Variants in CLSPN observed in about 807,000 individuals in gnomAD.
The protein encoded by CLSPN is claspin.
Under a neutral mutation model 156.3 loss-of-function variants are expected in CLSPN, and 85 were observed. The ratio of observed to expected loss-of-function variants is 0.54; its 90% CI spans 0.46 to 0.65. The LOEUF (loss-of-function observed/expected upper bound fraction) is 0.65, where lower values mean the gene tolerates loss of function less well. Among genes scored for constraint, CLSPN ranks in the 30% least tolerant of loss-of-function variants. The probability of loss-of-function intolerance (pLI) is 0.00; values close to 1 mark genes in which losing one functional copy is unlikely to be tolerated. For missense variants in CLSPN, 1,407 were observed against 1,554.9 expected (o/e 0.90, Z 1.60); for synonymous variants, 534 against 542.4 (o/e 0.98, Z 0.22).
chr1:35,744,315 C>CT (rs894020992), intron 16 of CLSPN, among the ~76,000 whole-genome samples: 8 of 151,560 alleles, frequency 5.3e-5, no homozygotes, highest in East Asian at 1.9e-4. Context: ...GTCAGAACTT[C>CT]TTTTTTTTTG....
At chr1:35,759,197 CG>C (rs1642391069) in intron 8 of CLSPN, among the ~76,000 whole-genome samples, 1 of 152,102 alleles carries the variant, frequency 6.6e-6, no homozygotes, top group African/African-American at 2.4e-5. Flanking sequence ...TACAATGTGT[CG>C]TCCACTGAGG....
chr1:35,735,197 G>C lies in CLSPN; in HGVS notation c.*1299C>G. 2.0e-6 allele frequency: 2 copies of C among 985,412 alleles called. No homozygotes were observed. The highest frequency in any genetic ancestry group is 2.4e-6 in the Non-Finnish European group (2 of 829,932). 61.0% of individuals were successfully genotyped at this position (985,412 alleles called of 1,614,324 possible). A position where few individuals can be genotyped will look rare whatever the true frequency, so the allele number is the denominator to read the frequency against. ...GGGTCTCTCTGCCCCACAGACTGTG[G>C]TGGACAAACACTGGGTGTAACACTT... is the stretch of plus-strand genomic sequence containing the variant. On this transcript the variant is annotated 3_prime_UTR_variant, in exon 25 of 25. Transcript: ENST00000318121.
intron 9 of CLSPN, among the ~76,000 whole-genome samples, chr1:35,752,018 T>G (rs1382487286): frequency 6.6e-6 from 1 of 152,138 alleles, no homozygotes; most frequent in East Asian, 1.9e-4. Flanking sequence ...TAATACCTAT[T>G]GAGAGGAAAC....
At chr1:35,767,007 A>C (rs1413114268) in intron 1 of CLSPN, among the ~76,000 whole-genome samples, 1 of 152,134 alleles carries the variant, frequency 6.6e-6, no homozygotes, top group Non-Finnish European at 1.5e-5. Context: ...TCAGCCTCCC[A>C]AAATGCTGGA....
intron 9 of CLSPN, 144 bp downstream of exon 9, chr1:35,753,601 C>T (rs371864309): frequency 7.5e-5 from 54 of 719,418 alleles, no homozygotes; most frequent in East Asian, 6.9e-4. Flanking sequence ...GTGTGCTACA[C>T]GTGAATCATG....
At chr1:35,764,785 A>G in intron 2 of CLSPN, 71 bp from the exon 3 acceptor site, 1 of 928,678 alleles carries the variant, frequency 1.1e-6, no homozygotes, top group East Asian at 2.7e-5. Context: ...CTCCTCAAAA[A>G]TATATTTTTA....
Position 35,760,800 on chromosome 1 carries a change from T to A in CLSPN, c.1121A>T (p.Glu374Val), listed in dbSNP as rs1642449159. 6.2e-7 allele frequency: 1 copy of A among 1,613,788 alleles called. No individual in the cohort carries two copies. The highest frequency in any genetic ancestry group is 8.5e-7 in the Non-Finnish European group (1 of 1,179,988). ...GSEQTTGAEN[E>V]VETNALPVVS... ...TACAGGGAGTGCATTAGTTTCCACT[T>A]CATTTTCTGCACCTGTTGTCTGCTC... is the stretch of plus-strand genomic sequence containing the variant. Residue 374 changes from glutamate to valine, a missense_variant, in exon 8 of 25, where the codon GAA becomes GTA. Transcript: ENST00000318121.
chr1:35,729,494 G>A (rs1641267917), downstream of CLSPN, among the ~76,000 whole-genome samples: 1 of 152,160 alleles, frequency 6.6e-6, no homozygotes. Flanking sequence ...TGAGAGGAGA[G>A]AGGACAAAAA....
intron 24 of CLSPN, among the ~76,000 whole-genome samples, chr1:35,726,077 C>T (rs1403179658): frequency 6.9e-6 from 1 of 143,986 alleles, no homozygotes; most frequent in Non-Finnish European, 1.5e-5. Context: ...GAGTTGGTTG[C>T]ACCCAAACTC....
chr1:35,744,539 G>A (rs893998731), intron 16 of CLSPN, among the ~76,000 whole-genome samples: 2 of 151,844 alleles, frequency 1.3e-5, no homozygotes, highest in Non-Finnish European at 2.9e-5. Flanking sequence ...CAAGTGATGC[G>A]CCCACCTCAG....
Position 35,760,911 on chromosome 1 carries a change from G to C in CLSPN, c.1010C>G (p.Ser337Cys). 6.2e-7 allele frequency: 1 copy of C among 1,607,262 alleles called. No homozygotes were observed. The highest frequency in any genetic ancestry group is 8.5e-7 in the Non-Finnish European group (1 of 1,175,000). Residue 337 changes from serine (S) to cysteine (C), a missense_variant, in exon 8 of 25, where the codon TCT (serine) becomes TGT (cysteine). Transcript: ENST00000318121. ...TTTGTGATGGCTTGACTGATATTTAGATGACCTAGAGAAGAGAAATTGAGC... is the reference window on the plus strand; with the variant it reads ...TTTGTGATGGCTTGACTGATATTTACATGACCTAGAGAAGAGAAATTGAGC... ...HGNAMALLKS[S>C]KYQSSHHKEI...
intron 17 of CLSPN, 57 bp downstream of exon 17, chr1:35,743,398 T>C: frequency 2.0e-6 from 3 of 1,487,766 alleles, no homozygotes; most frequent in South Asian, 2.3e-5. Context: ...AAAAAAACAC[T>C]TGAGGGCAGC....
intron 16 of CLSPN, 85 bp from the exon 17 acceptor site, chr1:35,743,615 TTGTG>T (rs1302188825): frequency 2.7e-6 from 3 of 1,106,488 alleles, no homozygotes; most frequent in African/African-American, 1.6e-5. Flanking sequence ...AAAAAAAATT[TTGTG>T]TGTGTTAATT....
rs199573326 is a variant in CLSPN, at chr1:35,748,067, A to T, written c.2473-6T>A. On this transcript the variant is annotated splice_region_variant and splice_polypyrimidine_tract_variant and intron_variant, in intron 13 of 24. Transcript: ENST00000318121. ...TCAGACAGTTTCCCTGAACTCTGGC[A>T]CACAAACAAAAACAAACAATAACAA... 17 of 1,596,204 alleles carry T rather than the reference A, an allele frequency of 1.1e-5. No individual in the cohort carries two copies. The Middle Eastern group carries it at 8.3e-4, about 78-fold the overall frequency.
chr1:35,738,989 C>T (rs535779971), intron 20 of CLSPN, 147 bp downstream of exon 20: 80 of 878,530 alleles, frequency 9.1e-5, no homozygotes, highest in Middle Eastern at 6.2e-4. Context: ...TTAGTAGGGA[C>T]GGGGTTTCAC....
At position 35,743,467 on chromosome 1, in the gene CLSPN, A is replaced by C; in HGVS notation, c.3030T>G (p.Phe1010Leu). 1 of 1,613,338 alleles carries C rather than the reference A, an allele frequency of 6.2e-7. No individual in the cohort carries two copies. The highest frequency in any genetic ancestry group is 1.1e-5 in the South Asian group (1 of 91,064). Residue 1010 changes from phenylalanine (F) to leucine (L), a missense_variant, in exon 17 of 25, where the codon TTT becomes TTG. Phe to Leu is a conservative substitution (Grantham distance 22). Coordinates refer to ENST00000318121, the MANE Select transcript of CLSPN (RefSeq NM_022111.4). ...CCTTCATACTCACCTCATCACTATC[A>C]AACTCATTATCATTTGAAACAAGCC... is the stretch of plus-strand genomic sequence containing the variant. ...DFRLVSNDNE[F>L]DSDEDEHSDS... is the part of the protein sequence containing the mutation.
intron 8 of CLSPN, among the ~76,000 whole-genome samples, chr1:35,755,985 C>T (rs1008383881): frequency 1.3e-5 from 2 of 152,288 alleles, no homozygotes; most frequent in Non-Finnish European, 2.9e-5. Context: ...GGACTATAGG[C>T]ATGAAACTTG....
chr1:35,766,780 GTTTCGC>G (rs545219641), intron 1 of CLSPN, among the ~76,000 whole-genome samples: 123 of 150,724 alleles, frequency 8.2e-4, no homozygotes, highest in Middle Eastern at 3.5e-3. Flanking sequence ...TTGAGACGGA[GTTTCGC>G]TCTTATTGCC....
chr1:35,737,181 C>T, intron 23 of CLSPN, 106 bp from the exon 24 acceptor site: 1 of 1,276,440 alleles, frequency 7.8e-7, no homozygotes, highest in Non-Finnish European at 1.1e-6. Flanking sequence ...CATATGCCTA[C>T]CCTATTCAAA....
Sources: allele counts gnomAD v4.1 joint callset (sites outside exome capture counted in the v4.1 genomes callset), GRCh38; gene constraint gnomAD v4.1.1; transcripts MANE v1.5; gene names NCBI Gene and HGNC (gene_info 2026-07-23, HGNC 2026-07-21).